BRWD1: variants seen among roughly 807,000 people sequenced by gnomAD.
The protein encoded by BRWD1 is bromodomain and WD repeat domain containing 1.
Under a neutral mutation model 251.2 loss-of-function variants are expected in BRWD1, and 82 were observed. The observed-to-expected ratio is 0.33, with a 90% CI of 0.27 to 0.39. The LOEUF (loss-of-function observed/expected upper bound fraction) is 0.39, where lower values mean the gene tolerates loss of function less well. Ranked by LOEUF, BRWD1 falls within the 10% of genes least tolerant of loss-of-function variation. BRWD1 has a pLI of 1.00. For missense variants in BRWD1, 2,233 were observed against 2,711.6 expected (o/e 0.82, Z 3.92); for synonymous variants, 918 against 902.8 (o/e 1.02, Z -0.30).
At chr21:39,298,680 G>A (rs1283239490) in intron 4 of BRWD1, 98 bp from the exon 5 acceptor site, 6 of 959,456 alleles carry the variant, frequency 6.3e-6, no homozygotes, top group Non-Finnish European at 8.8e-6. Context: ...AACATACACT[G>A]AAAACTGTAA....
intron 37 of BRWD1, among the ~76,000 whole-genome samples, chr21:39,202,923 TCTATGTCC>T (rs2032184590): frequency 2.0e-5 from 3 of 152,210 alleles, no homozygotes; most frequent in Admixed American, 2.0e-4. Flanking sequence ...CTCTCTTATT[TCTATGTCC>T]CTAAAGACAG....
At chr21:39,227,341 A>G (rs2033423915) in intron 27 of BRWD1, among the ~76,000 whole-genome samples, 1 of 148,068 alleles carries the variant, frequency 6.8e-6, no homozygotes, top group Non-Finnish European at 1.5e-5. Flanking sequence ...CTCCCTGGAT[A>G]GCATTACACA....
chr21:39,252,972 C>G (rs2034444370), intron 19 of BRWD1, among the ~76,000 whole-genome samples: 1 of 152,188 alleles, frequency 6.6e-6, no homozygotes, highest in Non-Finnish European at 1.5e-5. Flanking sequence ...CAGCAGCTAT[C>G]TTGGACTATG....
At position 39,215,226 on chromosome 21, in the gene BRWD1, A is replaced by C. The variant is rs746597446; in HGVS notation, c.3785+11T>G. On this transcript the variant is annotated intron_variant, in intron 32 of 40. Transcript: ENST00000342449. Reference sequence around the variant, plus strand: ...CAGTCACTTTTACACAACATCTATGAAATTACTTACTTGATAAATTTTAAA... The same window carrying C: ...CAGTCACTTTTACACAACATCTATGCAATTACTTACTTGATAAATTTTAAA... The C allele has an allele frequency of 1.9e-6, 3 of 1,609,240 alleles. No individual in the cohort carries two copies. In the Admixed American group the frequency reaches 5.0e-5, roughly 27 times the overall value.
At position 39,210,872 on chromosome 21, in the gene BRWD1, T is replaced by C. The variant is rs772852356; in HGVS notation, c.3958A>G (p.Lys1320Glu). The C allele has an allele frequency of 6.2e-7, 1 of 1,612,958 alleles. No individual in the cohort carries two copies. Among genetic ancestry groups the C allele is most frequent in the South Asian group, 1.1e-5 (1 of 90,930 alleles). The change falls in exon 35 of 41, where the codon AAA becomes GAA. Residue 1320 changes from lysine to glutamate, a missense_variant. Physicochemically the swap from Lys to Glu is moderately conservative, Grantham distance 56. Coordinates refer to ENST00000342449, the MANE Select transcript of BRWD1 (RefSeq NM_033656.4). ...AAGTTCACTAGTTCCTTACACTGTT[T>C]CTTCCAGTTGCTTTCAACATAGTTC... Reference protein sequence around the residue: ...ATNYVESNWKKQCKELVNLIF... With the variant: ...ATNYVESNWKEQCKELVNLIF...
At chr21:39,201,128 T>C (rs952273174) in intron 38 of BRWD1, among the ~76,000 whole-genome samples, 7 of 152,198 alleles carry the variant, frequency 4.6e-5, no homozygotes, top group African/African-American at 1.7e-4. Context: ...CTTTTACCCA[T>C]TCCTAACAGC....
chr21:39,240,032 C>A (rs1055952610), intron 21 of BRWD1, among the ~76,000 whole-genome samples: 1 of 151,816 alleles, frequency 6.6e-6, no homozygotes, highest in African/African-American at 2.4e-5. Flanking sequence ...TATATCCAGA[C>A]AATGAAATAT....
intron 31 of BRWD1, chr21:39,217,501 C>T (rs2033003817): frequency 5.3e-6 from 1 of 190,018 alleles, no homozygotes; most frequent in South Asian, 1.0e-4. Context: ...AACTACTTGG[C>T]CAATCACAAT....
At chr21:39,299,787 G>A (rs749132190) in intron 4 of BRWD1, among the ~76,000 whole-genome samples, 100 of 147,036 alleles carry the variant, frequency 6.8e-4, no homozygotes, top group African/African-American at 1.1e-3. Context: ...CCAGCCTGGC[G>A]GAAATGGTGA....
At chr21:39,200,460 TTACTC>T in intron 38 of BRWD1, 74 bp from the exon 39 acceptor site, 1 of 1,283,140 alleles carries the variant, frequency 7.8e-7, no homozygotes, top group Non-Finnish European at 1.1e-6. Context: ...GTTCATAACA[TTACTC>T]TGAACATTAC....
chr21:39,297,964 A>G, intron 5 of BRWD1: 2 of 985,484 alleles, frequency 2.0e-6, no homozygotes, highest in Non-Finnish European at 2.4e-6. Flanking sequence ...TAAAAAAAGA[A>G]CCATGCAGTT....
Position 39,196,907 on chromosome 21 carries a change from T to G in BRWD1, c.6162A>C (p.Glu2054Asp). The change falls in exon 41 of 41, where the codon GAA (glutamate) becomes GAC (aspartate). Residue 2054 changes from glutamate to aspartate, a missense_variant. Transcript: ENST00000342449. Reference sequence around the variant, plus strand: ...TCCCTGGAATATGACTTTTTGAATCTTCTCCTGAAGATGTAACAGAGGAAC... The same window carrying G: ...TCCCTGGAATATGACTTTTTGAATCGTCTCCTGAAGATGTAACAGAGGAAC... ...RKSSSVTSSGEDSKSHIPGSE... is the reference protein window; with the variant it reads ...RKSSSVTSSGDDSKSHIPGSE... The G allele has an allele frequency of 1.2e-6, 2 of 1,613,930 alleles. No individual in the cohort carries two copies. Among genetic ancestry groups the G allele is most frequent in the Non-Finnish European group, 8.5e-7 (1 of 1,179,952 alleles).
At chr21:39,213,433 A>G (rs1379895093) in intron 33 of BRWD1, 48 bp downstream of exon 33, 6 of 1,463,060 alleles carry the variant, frequency 4.1e-6, no homozygotes, top group Non-Finnish European at 5.7e-6. Context: ...CTTTAAAAAT[A>G]CCATTTGAAA....
upstream of BRWD1, among the ~76,000 whole-genome samples, chr21:39,318,042 C>A (rs1478650288): frequency 6.6e-6 from 1 of 151,956 alleles, no homozygotes; most frequent in Non-Finnish European, 1.5e-5. Context: ...AGAGCGAGAC[C>A]CTGTCTCAAA....
intron 32 of BRWD1, among the ~76,000 whole-genome samples, chr21:39,214,787 C>T (rs2032812096): frequency 6.6e-6 from 1 of 151,088 alleles, no homozygotes; most frequent in African/African-American, 2.4e-5. Context: ...CAGACTTTTA[C>T]TTAAATTATG....
intron 6 of BRWD1, 96 bp from the exon 7 acceptor site, chr21:39,295,999 C>G: frequency 8.9e-7 from 1 of 1,118,298 alleles, no homozygotes; most frequent in Non-Finnish European, 1.2e-6. Flanking sequence ...TCACAAAAAT[C>G]TATGTTCAAG....
In BRWD1 at chr21:39,276,977, T is replaced by C. The variant is rs148464075; in HGVS notation, c.1104+274A>G. Among the ~76,000 whole-genome samples the C allele has an allele frequency of 4.7e-4, 72 of 152,352 alleles. No individual in the cohort carries two copies. The East Asian group carries it at 0.013, about 28-fold the overall frequency. ...TATTGTACCTAGACATTTTCATTTT[T>C]ATAAATATACAAACATCTCTAACAA... On this transcript the variant is annotated intron_variant, in intron 11 of 40. Transcript: ENST00000342449.
chr21:39,314,545 G>A (rs569306468), upstream of BRWD1: 64 of 348,804 alleles, frequency 1.8e-4, no homozygotes, highest in South Asian at 1.3e-3. Flanking sequence ...TAGGATGTGA[G>A]GTTGGAGAGG....
At chr21:39,274,334 A>G (rs1394897728) in intron 13 of BRWD1, 40 bp downstream of exon 13, 2 of 1,461,046 alleles carry the variant, frequency 1.4e-6, no homozygotes, top group East Asian at 4.5e-5. Flanking sequence ...AGACAGATCG[A>G]ACACCTATGA....
Sources: gnomAD v4.1 joint callset for allele counts (sites outside exome capture counted in the v4.1 genomes callset) on GRCh38, gnomAD v4.1.1 for gene constraint, MANE v1.5 for transcripts, NCBI Gene and HGNC (gene_info 2026-07-23, HGNC 2026-07-21) for gene names.